The following PTPRD variants were observed in gnomAD, a reference collection of about 807,000 sequenced individuals.
The protein encoded by PTPRD is receptor-type tyrosine-protein phosphatase delta.
A neutral mutation model predicts 214.5 loss-of-function variants in PTPRD; 34 were observed. The observed-to-expected ratio is 0.16, with a 90% CI of 0.12 to 0.21. PTPRD has a LOEUF of 0.21. PTPRD is among the 10% of genes least tolerant of loss of function. The pLI is 1.00. For synonymous variants in PTPRD, 1,128 were observed against 845.7 expected, an observed-to-expected ratio of 1.33 and a Z score of -5.79; for missense variants, 2,545 against 2,398.7, an observed-to-expected ratio of 1.06 and a Z score of -1.27.
chr9:8,514,658 C>T (rs1030358031), intron 21 of PTPRD, among the ~76,000 whole-genome samples: 12 of 151,822 alleles, frequency 7.9e-5, no homozygotes, highest in Admixed American at 6.6e-4. Flanking sequence ...GAAACAATTG[C>T]GTTTTTCTCT....
chr9:9,934,504 C>T (rs1487636332), intron 5 of PTPRD, among the ~76,000 whole-genome samples: 1 of 149,416 alleles, frequency 6.7e-6, no homozygotes, highest in African/African-American at 2.5e-5. Flanking sequence ...TCGACACATA[C>T]ACTCTCCCAA....
At chr9:9,976,657 G>C (rs1424348826) in intron 4 of PTPRD, among the ~76,000 whole-genome samples, 2 of 117,858 alleles carry the variant, frequency 1.7e-5, no homozygotes, top group Admixed American at 1.1e-4. Context: ...AAAATGCTGA[G>C]ATTACAGGTG....
intron 43 of PTPRD, among the ~76,000 whole-genome samples, chr9:8,336,771 C>A (rs963532204): frequency 6.6e-6 from 1 of 152,058 alleles, no homozygotes; most frequent in Non-Finnish European, 1.5e-5. Context: ...AAACAACAAC[C>A]TCATCAAAAA....
intron 10 of PTPRD, among the ~76,000 whole-genome samples, chr9:9,173,693 G>A (rs1487794988): frequency 6.6e-6 from 1 of 152,106 alleles, no homozygotes; most frequent in South Asian, 2.1e-4. Context: ...AAATATGCTA[G>A]TATGCTCTTA....
At chr9:9,969,702 T>C (rs1341525371) in intron 4 of PTPRD, among the ~76,000 whole-genome samples, 2 of 152,348 alleles carry the variant, frequency 1.3e-5, no homozygotes, top group South Asian at 2.1e-4. Context: ...ACTTCTCTGA[T>C]CAACCTTGAA....
intron 5 of PTPRD, among the ~76,000 whole-genome samples, chr9:9,929,683 C>G (rs927176825): frequency 6.6e-6 from 1 of 152,112 alleles, no homozygotes; most frequent in Admixed American, 6.5e-5. Flanking sequence ...CAAGCCACAG[C>G]GCCTGGCCAA....
chr9:9,933,253 A>G (rs2087539720), intron 5 of PTPRD, among the ~76,000 whole-genome samples: 1 of 152,270 alleles, frequency 6.6e-6, no homozygotes, highest in Non-Finnish European at 1.5e-5. Flanking sequence ...TAAATGGAGT[A>G]CATGCTCCAA....
At chr9:9,045,290 G>C (rs1017345735) in intron 10 of PTPRD, among the ~76,000 whole-genome samples, 2 of 152,170 alleles carry the variant, frequency 1.3e-5, no homozygotes, top group Admixed American at 6.5e-5. Context: ...ATGTTGATTA[G>C]AGGATGCTCT....
At chr9:9,733,941 C>T (rs1478315855) in intron 7 of PTPRD, among the ~76,000 whole-genome samples, 1 of 152,118 alleles carries the variant, frequency 6.6e-6, no homozygotes, top group Non-Finnish European at 1.5e-5. Flanking sequence ...TGGAAAAATA[C>T]ACAACTTCAC....
At chr9:10,292,105 T>A (rs1389930248) in intron 3 of PTPRD, among the ~76,000 whole-genome samples, 2 of 152,054 alleles carry the variant, frequency 1.3e-5, no homozygotes, top group African/African-American at 4.8e-5. Flanking sequence ...CCAGGAAAAA[T>A]GTAAATCATT....
intron 11 of PTPRD, among the ~76,000 whole-genome samples, chr9:8,844,063 G>C (rs1473787550): frequency 6.6e-6 from 1 of 152,142 alleles, no homozygotes; most frequent in African/African-American, 2.4e-5. Context: ...CTCTCATCCA[G>C]ACGTATGGAA....
intron 10 of PTPRD, among the ~76,000 whole-genome samples, chr9:9,157,835 C>A (rs993337379): frequency 5.9e-5 from 9 of 152,106 alleles, no homozygotes; most frequent in Non-Finnish European, 1.3e-4. Flanking sequence ...GTATTAAGCC[C>A]AATATCCACT....
intron 11 of PTPRD, among the ~76,000 whole-genome samples, chr9:8,766,248 C>T (rs997093629): frequency 6.6e-6 from 1 of 151,632 alleles, no homozygotes; most frequent in African/African-American, 2.4e-5. Flanking sequence ...TGTGTGCATA[C>T]TCCCCAAGTA....
intron 9 of PTPRD, among the ~76,000 whole-genome samples, chr9:9,393,565 C>G (rs1007911466): frequency 1.3e-5 from 2 of 152,120 alleles, no homozygotes; most frequent in Non-Finnish European, 2.9e-5. Flanking sequence ...CATAGTCAAT[C>G]CACTCTCAGC....
chr9:8,635,887 G>A (rs1356888843), intron 13 of PTPRD, among the ~76,000 whole-genome samples: 1 of 152,032 alleles, frequency 6.6e-6, no homozygotes, highest in Non-Finnish European at 1.5e-5. Flanking sequence ...CCTCCAGAAT[G>A]AGCAAATTTC....
chr9:10,367,181 TTAGAG>T (rs1448204301), intron 2 of PTPRD, among the ~76,000 whole-genome samples: 1 of 151,904 alleles, frequency 6.6e-6, no homozygotes, highest in South Asian at 2.1e-4. Context: ...ATGGAATCAC[TTAGAG>T]TAATGACAAA....
At chr9:9,198,746 G>A (rs1003922541) in intron 9 of PTPRD, among the ~76,000 whole-genome samples, 1 of 152,182 alleles carries the variant, frequency 6.6e-6, no homozygotes, top group Non-Finnish European at 1.5e-5. Context: ...CTTGGGTTAA[G>A]AGTGTCCATA....
intron 3 of PTPRD, among the ~76,000 whole-genome samples, chr9:10,241,145 G>A (rs967623563): frequency 6.6e-6 from 1 of 151,794 alleles, no homozygotes; most frequent in East Asian, 1.9e-4. Context: ...AAACCATGAT[G>A]AGATACTACT....
intron 9 of PTPRD, among the ~76,000 whole-genome samples, chr9:9,234,686 G>A (rs1317052337): frequency 6.6e-6 from 1 of 152,120 alleles, no homozygotes; most frequent in African/African-American, 2.4e-5. Context: ...AAGGACAGGG[G>A]CAAAATGCCT....
Sources: allele counts gnomAD v4.1 joint callset (sites outside exome capture counted in the v4.1 genomes callset), GRCh38; gene constraint gnomAD v4.1.1; transcripts MANE v1.5; gene names NCBI Gene and HGNC (gene_info 2026-07-23, HGNC 2026-07-21).